CFAP47: variants seen among roughly 807,000 people sequenced by gnomAD.
CFAP47 encodes the protein cilia- and flagella-associated protein 47.
CFAP47 carries 29 observed loss-of-function variants against 148.1 expected under a neutral mutation model. The observed-to-expected ratio is 0.20, with a 90% CI of 0.15 to 0.27. CFAP47 has a LOEUF of 0.27. CFAP47 is among the 10% of genes least tolerant of loss of function. The pLI, the probability that CFAP47 is intolerant of heterozygous loss-of-function variation, is 1.00. For synonymous variants in CFAP47, 664 were observed against 577.3 expected (o/e 1.15, Z -2.15); for missense variants, 1,872 against 1,697.5 (o/e 1.10, Z -1.81).
chrX:36,135,828 G>T (rs1939035145), intron 33 of CFAP47, among the ~76,000 whole-genome samples: 1 of 111,740 alleles, frequency 8.9e-6, no homozygotes, highest in African/African-American at 3.3e-5. Context: ...ACCAACATAT[G>T]TAAGTAATTA....
At position 36,265,925 on chromosome X, in the gene CFAP47, G is replaced by A. The variant is rs996388447; in HGVS notation, c.7444+14481G>A. On this transcript the variant is annotated intron_variant, in intron 49 of 63. Transcript: ENST00000378653. ...CCTTGAAGGTGTGACTGCGGTACAA[G>A]TTGTGTATAGTTGAATGACTTAGTT... is the stretch of plus-strand genomic sequence containing the variant. Among the ~76,000 whole-genome samples the A allele has an allele frequency of 9.8e-5, 11 of 111,792 alleles. 1 individual carries two copies. Among genetic ancestry groups the A allele is most frequent in the Admixed American group, 1.9e-4 (2 of 10,515 alleles).
At chrX:35,953,515 G>A (rs1936197750) in intron 6 of CFAP47, 77 bp from the exon 7 acceptor site, 1 of 741,195 alleles carries the variant, frequency 1.3e-6, no homozygotes, top group South Asian at 3.6e-5. Context: ...TTAAAGATTG[G>A]ATTGATATTT....
intron 29 of CFAP47, among the ~76,000 whole-genome samples, chrX:36,078,346 T>A (rs1937906332): frequency 9.0e-6 from 1 of 111,053 alleles, no homozygotes; most frequent in Non-Finnish European, 1.9e-5. Context: ...CTAAGTCTCT[T>A]TGTAGGTCTC....
chrX:36,054,642 T>TA (rs1272240225), intron 26 of CFAP47, among the ~76,000 whole-genome samples: 1 of 111,868 alleles, frequency 8.9e-6, no homozygotes, highest in African/African-American at 3.2e-5. Context: ...GAAACCAATA[T>TA]AAAAAATGCT....
intron 39 of CFAP47, among the ~76,000 whole-genome samples, chrX:36,174,193 T>C (rs1346553470): frequency 9.2e-6 from 1 of 108,918 alleles, no homozygotes; most frequent in African/African-American, 3.4e-5. Flanking sequence ...CCTATGTGTG[T>C]CTCTGCATGT....
intron 57 of CFAP47, among the ~76,000 whole-genome samples, chrX:36,337,488 G>A (rs782299024): frequency 9.9e-5 from 11 of 111,588 alleles, no homozygotes; most frequent in Admixed American, 9.5e-5. Flanking sequence ...GGTAAAATGT[G>A]TGTGAGTGAT....
At chrX:36,176,292 G>A (rs1979193904) in intron 39 of CFAP47, among the ~76,000 whole-genome samples, 1 of 112,369 alleles carries the variant, frequency 8.9e-6, no homozygotes, top group South Asian at 3.7e-4. Context: ...CTGTAGACCG[G>A]AGCTGTTCCT....
At chrX:36,286,105 A>T (rs1941130008) in intron 51 of CFAP47, among the ~76,000 whole-genome samples, 1 of 111,260 alleles carries the variant, frequency 9.0e-6, no homozygotes, top group Admixed American at 9.6e-5. Flanking sequence ...ACTTGGAAAC[A>T]TATTTGGAGC....
intron 56 of CFAP47, among the ~76,000 whole-genome samples, chrX:36,312,441 T>A (rs1322450880): frequency 9.0e-6 from 1 of 110,823 alleles, no homozygotes; most frequent in Non-Finnish European, 1.9e-5. Flanking sequence ...TTGGCTGGGA[T>A]TTAAATCATA....
intron 42 of CFAP47, among the ~76,000 whole-genome samples, chrX:36,193,240 TA>T (rs1373200344): frequency 8.9e-6 from 1 of 111,996 alleles, no homozygotes; most frequent in Non-Finnish European, 1.9e-5. Flanking sequence ...TGAATGTTTA[TA>T]ACATTAATAC....
intron 61 of CFAP47, among the ~76,000 whole-genome samples, chrX:36,362,124 A>G (rs181467154): frequency 8.9e-6 from 1 of 112,542 alleles, no homozygotes; most frequent in Non-Finnish European, 1.9e-5. Flanking sequence ...GACACTGATA[A>G]GCACCATGAT....
Position 35,970,929 on chromosome X carries a change from G to A in CFAP47, c.1970+6G>A, listed in dbSNP as rs376804288. ...CAGAAGAAACAAGCAGAGAGGTAAT[G>A]TTCAGTTCCTCAAAAAATATGCAAC... is the stretch of plus-strand genomic sequence containing the variant. On this transcript the variant is annotated splice_donor_region_variant and intron_variant, in intron 11 of 63. Coordinates refer to ENST00000378653, the MANE Select transcript of CFAP47 (RefSeq NM_001304548.2). 4 of 1,181,156 alleles carry A rather than the reference G, an allele frequency of 3.4e-6. No homozygotes were observed. The highest frequency in any genetic ancestry group is 4.5e-6 in the Non-Finnish European group (4 of 882,722).
intron 50 of CFAP47, among the ~76,000 whole-genome samples, chrX:36,283,663 A>G (rs1941102732): frequency 8.9e-6 from 1 of 111,773 alleles, no homozygotes; most frequent in African/African-American, 3.3e-5. Context: ...ACCCCAATAT[A>G]CTTCAGATTT....
At chrX:36,081,445 T>G (rs1017050554) in intron 29 of CFAP47, among the ~76,000 whole-genome samples, 2 of 111,438 alleles carry the variant, frequency 1.8e-5, no homozygotes, top group African/African-American at 6.5e-5. Context: ...TTATACTGAT[T>G]CTATTCCAAA....
At chrX:36,166,149 C>G (rs1442690342) in intron 39 of CFAP47, among the ~76,000 whole-genome samples, 2 of 111,864 alleles carry the variant, frequency 1.8e-5, no homozygotes, top group Admixed American at 9.5e-5. Context: ...CCTGATCCAG[C>G]TTTCATCTCA....
intron 3 of CFAP47, among the ~76,000 whole-genome samples, chrX:35,944,441 A>T (rs1420722671): frequency 8.9e-6 from 1 of 111,955 alleles, no homozygotes; most frequent in East Asian, 2.8e-4. Context: ...ATGAAAGATG[A>T]TTAAACCCAG....
intron 42 of CFAP47, among the ~76,000 whole-genome samples, chrX:36,194,964 C>T (rs1293303319): frequency 1.8e-5 from 2 of 112,249 alleles, no homozygotes; most frequent in Non-Finnish European, 3.8e-5. Flanking sequence ...ATAAGGGCCT[C>T]CTACTGGTGA....
chrX:36,153,377 C>T (rs755504868), intron 37 of CFAP47, among the ~76,000 whole-genome samples: 229 of 112,248 alleles, frequency 2.0e-3, no homozygotes, highest in African/African-American at 4.2e-3. Context: ...GTCCTGCCCC[C>T]GATGGCTTTG....
intron 1 of CFAP47, among the ~76,000 whole-genome samples, chrX:35,924,087 A>G (rs931200474): frequency 2.2e-4 from 21 of 96,824 alleles, no homozygotes; most frequent in Admixed American, 2.2e-4. Context: ...ATGTACATGT[A>G]TGCGTACATA....
Sources: gnomAD v4.1 joint callset for allele counts (sites outside exome capture counted in the v4.1 genomes callset) on GRCh38, gnomAD v4.1.1 for gene constraint, MANE v1.5 for transcripts, NCBI Gene and HGNC (gene_info 2026-07-23, HGNC 2026-07-21) for gene names.